The following NPR3 variants were observed in gnomAD, a reference collection of about 807,000 sequenced individuals.
NPR3 encodes the protein atrial natriuretic peptide receptor 3.
Under a neutral mutation model 54.5 loss-of-function variants are expected in NPR3, and 34 were observed. That is an observed-to-expected ratio of 0.62 (90% CI 0.47 to 0.83). The LOEUF is 0.83. Ranked by LOEUF, NPR3 falls within the 40% of genes least tolerant of loss-of-function variation. NPR3 has a pLI of 0.00. For synonymous variants in NPR3, 289 were observed against 297.1 expected (o/e 0.97, Z 0.28); for missense variants, 674 against 720.8 (o/e 0.94, Z 0.74).
At chr5:32,703,242 G>T (rs1184910677) in intron 1 of NPR3, among the ~76,000 whole-genome samples, 10 of 151,942 alleles carry the variant, frequency 6.6e-5, no homozygotes, top group Non-Finnish European at 1.0e-4. Flanking sequence ...TCTGGCCCAG[G>T]GAGTATCCAT....
At chr5:32,719,862 T>C (rs893738604) in intron 1 of NPR3, among the ~76,000 whole-genome samples, 8 of 151,988 alleles carry the variant, frequency 5.3e-5, no homozygotes, top group African/African-American at 1.9e-4. Flanking sequence ...GAGTTTTTCA[T>C]TTTTGGTATC....
intron 4 of NPR3, 32 bp downstream of exon 4, chr5:32,774,875 G>C (rs1431414725): frequency 1.9e-6 from 3 of 1,554,660 alleles, no homozygotes; most frequent in Non-Finnish European, 2.7e-6. Flanking sequence ...CAATTACATG[G>C]GGCCAAATGA....
intron 3 of NPR3, among the ~76,000 whole-genome samples, chr5:32,768,923 C>A (rs1272933026): frequency 6.6e-6 from 1 of 152,202 alleles, no homozygotes; most frequent in Admixed American, 6.5e-5. Context: ...GATGAAGACC[C>A]CAGCTCTCTC....
intron 2 of NPR3, among the ~76,000 whole-genome samples, chr5:32,735,644 A>G (rs924611154): frequency 2.6e-5 from 4 of 152,082 alleles, no homozygotes; most frequent in Admixed American, 2.6e-4. Context: ...ATCCACTGCT[A>G]TTTCCCAAGG....
intron 4 of NPR3, among the ~76,000 whole-genome samples, chr5:32,779,961 G>T (rs911171494): frequency 6.6e-6 from 1 of 152,154 alleles, no homozygotes; most frequent in Non-Finnish European, 1.5e-5. Flanking sequence ...GAGGCTTAGA[G>T]GGCTAAGTTC....
upstream of NPR3, among the ~76,000 whole-genome samples, chr5:32,706,108 T>C (rs927706582): frequency 2.0e-5 from 3 of 152,016 alleles, no homozygotes; most frequent in Non-Finnish European, 4.4e-5. Flanking sequence ...GTGAGTGAAT[T>C]CTCATGAGAT....
chr5:32,722,532 G>A (rs1018342749), intron 1 of NPR3, among the ~76,000 whole-genome samples: 9 of 152,162 alleles, frequency 5.9e-5, no homozygotes, highest in African/African-American at 2.2e-4. Context: ...CTCTCTATAT[G>A]TTGACAGAAT....
intron 3 of NPR3, among the ~76,000 whole-genome samples, chr5:32,759,305 A>G (rs1294577434): frequency 6.6e-6 from 1 of 152,186 alleles, no homozygotes; most frequent in African/African-American, 2.4e-5. Context: ...GAGTGCATAT[A>G]TATTTAAGAT....
At chr5:32,735,427 A>G (rs778194614) in intron 2 of NPR3, among the ~76,000 whole-genome samples, 3 of 150,592 alleles carry the variant, frequency 2.0e-5, no homozygotes, top group Non-Finnish European at 4.4e-5. Context: ...TCTTTTTTTT[A>G]TAATAAAAGT....
chr5:32,748,762 A>G (rs531232480), intron 3 of NPR3, among the ~76,000 whole-genome samples: 1 of 152,230 alleles, frequency 6.6e-6, no homozygotes, highest in Non-Finnish European at 1.5e-5. Context: ...AGACAACTGT[A>G]CTCACTGGTG....
At position 32,775,415 on chromosome 5, in the gene NPR3, G is replaced by A. The variant is rs1032478808; in HGVS notation, c.1195+572G>A. Among the ~76,000 whole-genome samples the A allele has an allele frequency of 2.0e-5, 3 of 151,348 alleles. No homozygotes were observed. The South Asian group carries it at 6.3e-4, about 32-fold the overall frequency. ...GTTTAAATGATTTACCTGCCTCAGT[G>A]TCCTGAGTAGCAGGGATTACAGGCG... On this transcript the variant is annotated intron_variant, in intron 4 of 7. Coordinates refer to ENST00000265074, the MANE Select transcript of NPR3 (RefSeq NM_001204375.2).
chr5:32,781,302 A>C (rs558976210), intron 5 of NPR3, among the ~76,000 whole-genome samples: 2 of 152,328 alleles, frequency 1.3e-5, no homozygotes, highest in East Asian at 3.9e-4. Context: ...GGAAATCATC[A>C]TGTCTTCCTG....
chr5:32,761,605 G>T (rs902503688), intron 3 of NPR3, among the ~76,000 whole-genome samples: 1 of 151,456 alleles, frequency 6.6e-6, no homozygotes, highest in African/African-American at 2.4e-5. Flanking sequence ...TTTTAAGCCT[G>T]TCTAGTGACT....
intron 3 of NPR3, among the ~76,000 whole-genome samples, chr5:32,774,064 T>C (rs1377692668): frequency 2.0e-5 from 3 of 152,156 alleles, no homozygotes; most frequent in African/African-American, 4.8e-5. Context: ...ATTCCTGTCA[T>C]TGGAGCTTGG....
At chr5:32,766,204 A>T (rs970580461) in intron 3 of NPR3, among the ~76,000 whole-genome samples, 2 of 152,186 alleles carry the variant, frequency 1.3e-5, no homozygotes, top group African/African-American at 4.8e-5. Flanking sequence ...AGCAAAGTTG[A>T]GTAGAATTTT....
In NPR3 at chr5:32,738,921, C is replaced by T. The variant is rs780681861; in HGVS notation, c.950C>T (p.Ser317Leu). Residue 317 changes from serine to leucine, a missense_variant, in exon 3 of 8, where the codon TCG becomes TTG. Ser to Leu is a moderately radical substitution (Grantham distance 145, BLOSUM62 -2). Coordinates refer to ENST00000265074, the MANE Select transcript of NPR3 (RefSeq NM_001204375.2). ...GACTTTGAAGCTAAGCAAGCATACTCGTCCCTCCAGACAGTCACTCTACTG... is the reference window on the plus strand; with the variant it reads ...GACTTTGAAGCTAAGCAAGCATACTTGTCCCTCCAGACAGTCACTCTACTG... Reference protein sequence around the residue: ...KHDFEAKQAYSSLQTVTLLRT... With the variant: ...KHDFEAKQAYLSLQTVTLLRT... The T allele has an allele frequency of 6.8e-6, 11 of 1,613,724 alleles. No individual in the cohort carries two copies. Among genetic ancestry groups the T allele is most frequent in the East Asian group, 2.2e-5 (1 of 44,894 alleles).
At chr5:32,761,950 A>G (rs956849280) in intron 3 of NPR3, among the ~76,000 whole-genome samples, 3 of 151,930 alleles carry the variant, frequency 2.0e-5, no homozygotes, top group South Asian at 2.1e-4. Flanking sequence ...CTAGCTTCCA[A>G]TCCCCCAACA....
chr5:32,769,577 G>A (rs1741645810), intron 3 of NPR3, among the ~76,000 whole-genome samples: 1 of 152,194 alleles, frequency 6.6e-6, no homozygotes, highest in East Asian at 1.9e-4. Flanking sequence ...AATGCTGCCT[G>A]GCACCCTTAG....
intron 1 of NPR3, among the ~76,000 whole-genome samples, chr5:32,695,221 C>A (rs1054270801): frequency 1.2e-4 from 18 of 152,078 alleles, no homozygotes; most frequent in Non-Finnish European, 1.6e-4. Context: ...GGGTATATAC[C>A]CAACAGAGGG....
Sources: gnomAD v4.1 joint callset for allele counts (sites outside exome capture counted in the v4.1 genomes callset) on GRCh38, gnomAD v4.1.1 for gene constraint, MANE v1.5 for transcripts, NCBI Gene and HGNC (gene_info 2026-07-23, HGNC 2026-07-21) for gene names.